Variants in OTUD1 observed in about 807,000 individuals in gnomAD.
The protein encoded by OTUD1 is OTU domain-containing protein 1.
OTUD1 carries 15 observed loss-of-function variants against 30.0 expected under a neutral mutation model. The observed-to-expected ratio is 0.50, with a 90% CI of 0.33 to 0.77. OTUD1 has a LOEUF of 0.77. OTUD1 is among the 30% of genes least tolerant of loss of function. The pLI, the probability that OTUD1 is intolerant of heterozygous loss-of-function variation, is 0.02. For missense variants in OTUD1, 796 were observed against 697.8 expected, an observed-to-expected ratio of 1.14 and a Z score of -1.59; for synonymous variants, 381 against 326.3, an observed-to-expected ratio of 1.17 and a Z score of -1.81.
In OTUD1 at chr10:23,440,336, C is replaced by G; in HGVS notation, c.879C>G (p.Tyr293Ter). 1 of 1,551,350 alleles carries G rather than the reference C, an allele frequency of 6.4e-7. No individual in the cohort carries two copies. The highest frequency in any genetic ancestry group is 8.7e-7 in the Non-Finnish European group (1 of 1,146,922). The change falls in exon 1 of 1, where the codon TAC (tyrosine) becomes TAG (stop). Residue 293 changes from tyrosine to a stop codon, truncating the protein, a stop_gained. Coordinates refer to ENST00000376495, the MANE Select transcript of OTUD1 (RefSeq NM_001145373.3). LOFTEE classifies it high-confidence loss of function. ...SDPRDEKLAL[Y>*]LAEVEKQDKY... ...CCAGAGACGAGAAGCTGGCCCTATACCTGGCCGAGGTGGAGAAGCAGGACA... is the reference window on the plus strand; with the variant it reads ...CCAGAGACGAGAAGCTGGCCCTATAGCTGGCCGAGGTGGAGAAGCAGGACA...
In OTUD1 at chr10:23,440,476, G is replaced by A; in HGVS notation, c.1019G>A (p.Arg340Lys). The A allele has an allele frequency of 6.4e-7, 1 of 1,551,726 alleles. No homozygotes were observed. Among genetic ancestry groups the A allele is most frequent in the Non-Finnish European group, 8.7e-7 (1 of 1,147,010 alleles). ...GACCAGAGCCTGCACCGGGAGTTGAGGGAGCAGACGGTGCACTACATCGCC... is the reference window on the plus strand; with the variant it reads ...GACCAGAGCCTGCACCGGGAGTTGAAGGAGCAGACGGTGCACTACATCGCC... ...YGDQSLHREL[R>K]EQTVHYIADH... Residue 340 changes from arginine (R) to lysine (K), a missense_variant, in exon 1 of 1, where the codon AGG becomes AAG. Physicochemically the swap from Arg to Lys is conservative, Grantham distance 26. Transcript: ENST00000376495.
Position 23,440,294 on chromosome 10 carries a change from C to T in OTUD1, c.837C>T (p.Ile279=). ...AAPSSAAEPV[I]VSRSDPRDEK... Reference sequence around the variant, plus strand: ...CGAGTAGTGCGGCGGAGCCGGTGATCGTCTCCAGGTCGGATCCCAGAGACG... The same window carrying T: ...CGAGTAGTGCGGCGGAGCCGGTGATTGTCTCCAGGTCGGATCCCAGAGACG... The change falls in exon 1 of 1, where the codon ATC becomes ATT. Residue 279 remains isoleucine, a synonymous_variant. Coordinates refer to ENST00000376495, the MANE Select transcript of OTUD1 (RefSeq NM_001145373.3). The T allele has an allele frequency of 6.4e-7, 1 of 1,550,422 alleles. No individual in the cohort carries two copies. The highest frequency in any genetic ancestry group is 1.2e-5 in the South Asian group (1 of 84,050).
chr10:23,439,954 G>A lies in OTUD1; in HGVS notation c.497G>A (p.Trp166Ter). 1 of 1,252,196 alleles carries A rather than the reference G, an allele frequency of 8.0e-7. No homozygotes were observed. Among genetic ancestry groups the A allele is most frequent in the Non-Finnish European group, 1.0e-6 (1 of 1,001,552 alleles). 77.6% of individuals were successfully genotyped at this position (1,252,196 alleles called of 1,614,324 possible). The part of the protein sequence containing the change: ...PVPPRRGSSA[W>*]LLEELLRPDC... ...CCGCCGCGGCGGGGCTCCTCGGCCT[G>A]GCTCCTGGAGGAGCTGCTGCGGCCC... Residue 166 changes from tryptophan to a stop codon, truncating the protein, a stop_gained, in exon 1 of 1, where the codon TGG becomes TAG. Transcript: ENST00000376495. LOFTEE classifies it high-confidence loss of function.
chr10:23,441,803 C>T lies in OTUD1; in HGVS notation c.*900C>T, dbSNP rs1003617692. 2.4e-5 allele frequency: 4 copies of T among 167,060 alleles called. No homozygotes were observed. The Admixed American group carries it at 2.6e-4, about 11-fold the overall frequency. The allele number at this position is 167,060 out of a possible 1,614,324, so 10.3% of individuals were successfully genotyped here. A position where few individuals can be genotyped will look rare whatever the true frequency, so the allele number is the denominator to read the frequency against. On this transcript the variant is annotated 3_prime_UTR_variant, in exon 1 of 1. Coordinates refer to ENST00000376495, the MANE Select transcript of OTUD1 (RefSeq NM_001145373.3). ...AAGATAAGCCTCCTGCTTTATATAA[C>T]TTCTTGAATCCAGCTAAGAGATTTA...
Position 23,440,696 on chromosome 10 carries a change from C to T in OTUD1, c.1239C>T (p.Gly413=). 1 of 1,551,858 alleles carries T rather than the reference C, an allele frequency of 6.4e-7. No individual in the cohort carries two copies. Among genetic ancestry groups the T allele is most frequent in the Non-Finnish European group, 8.7e-7 (1 of 1,147,032 alleles). The part of the protein sequence containing the change: ...PTVSTMIHYL[G]PEDSLRPSIW... ...TGTCTACCATGATTCATTATTTGGGCCCAGAGGATTCCCTGAGGCCTAGTA... is the reference window on the plus strand; with the variant it reads ...TGTCTACCATGATTCATTATTTGGGTCCAGAGGATTCCCTGAGGCCTAGTA... The change falls in exon 1 of 1, where the codon GGC becomes GGT. Residue 413 remains glycine (G), a synonymous_variant. Coordinates refer to ENST00000376495, the MANE Select transcript of OTUD1 (RefSeq NM_001145373.3).
At position 23,439,426 on chromosome 10, in the gene OTUD1, C is replaced by A; in HGVS notation, c.-32C>A. 3.2e-6 allele frequency: 4 copies of A among 1,254,056 alleles called. 1 individual carries two copies. In the South Asian group the frequency reaches 1.1e-4, roughly 34 times the overall value. The allele number at this position is 1,254,056 out of a possible 1,614,324, so 77.7% of individuals were successfully genotyped here. ...GTGTCCCCCGCTCCGGGGCTCGCCGCGCCTATAAGGGGCCGAGCGGCGGGC... is the reference window on the plus strand; with the variant it reads ...GTGTCCCCCGCTCCGGGGCTCGCCGAGCCTATAAGGGGCCGAGCGGCGGGC... On this transcript the variant is annotated 5_prime_UTR_variant, in exon 1 of 1. Coordinates refer to ENST00000376495, the MANE Select transcript of OTUD1 (RefSeq NM_001145373.3).
rs1044399686 is a variant in OTUD1 at position 23,440,022 on chromosome 10, C to T, written c.565C>T (p.Pro189Ser). 2 of 1,443,226 alleles carry T rather than the reference C, an allele frequency of 1.4e-6. No homozygotes were observed. Among genetic ancestry groups the T allele is most frequent in the South Asian group, 1.4e-5 (1 of 73,000 alleles). The allele number at this position is 1,443,226 out of a possible 1,614,324, so 89.4% of individuals were successfully genotyped here. A position where few individuals can be genotyped will look rare whatever the true frequency, so the allele number is the denominator to read the frequency against. Residue 189 changes from proline to serine, a missense_variant, in exon 1 of 1, where the codon CCC (proline) becomes TCC (serine). Physicochemically the swap from Pro to Ser is moderately conservative, Grantham distance 74 (BLOSUM62 -1). Transcript: ENST00000376495. The part of the protein sequence containing the change: ...PAGLDATREG[P>S]DRNFRLSEHR... ...GGGCTTGGACGCGACACGGGAGGGG[C>T]CCGATCGGAACTTCCGACTGAGCGA...
rs1264981151 is a variant in OTUD1 at position 23,439,714 on chromosome 10, C to T, written c.257C>T (p.Ala86Val). The change falls in exon 1 of 1, where the codon GCC becomes GTC. Residue 86 changes from alanine to valine, a missense_variant. Transcript: ENST00000376495. ...TGCTTCGAGGTGGTGTCCGGGGCCG[C>T]CGCGCCCGCCTCCGCCGCCGCCGGC... ...SSCFEVVSGAAAPASAAAGPP... is the reference protein window; with the variant it reads ...SSCFEVVSGAVAPASAAAGPP... The T allele has an allele frequency of 5.9e-6, 7 of 1,190,820 alleles. No individual in the cohort carries two copies. Among genetic ancestry groups the T allele is most frequent in the East Asian group, 4.4e-5 (1 of 22,894 alleles). 73.8% of individuals were successfully genotyped at this position (1,190,820 alleles called of 1,614,324 possible).
rs1168922145 is a variant in OTUD1 at position 23,439,229 on chromosome 10, G to A, written c.-229G>A. On this transcript the variant is annotated 5_prime_UTR_variant, in exon 1 of 1. Transcript: ENST00000376495. ...GGCCGAGCGCACCGGCAGGGGTCGAGCTCGCGTCCCGTCCCCGCCCCCCTG... is the reference window on the plus strand; with the variant it reads ...GGCCGAGCGCACCGGCAGGGGTCGAACTCGCGTCCCGTCCCCGCCCCCCTG... Among the ~76,000 whole-genome samples, 1 of 151,254 alleles carries A rather than the reference G, an allele frequency of 6.6e-6. No individual in the cohort carries two copies. Among genetic ancestry groups the A allele is most frequent in the Non-Finnish European group, 1.5e-5 (1 of 67,736 alleles).
In OTUD1 at chr10:23,440,771, C is replaced by G; in HGVS notation, c.1314C>G (p.His438Gln). Reference protein sequence around the residue: ...SNGHYDAVFDHSYPNPEYDNW... With the variant: ...SNGHYDAVFDQSYPNPEYDNW... ...GACACTATGATGCTGTATTTGATCACTCCTATCCTAACCCAGAGTACGACA... is the reference window on the plus strand; with the variant it reads ...GACACTATGATGCTGTATTTGATCAGTCCTATCCTAACCCAGAGTACGACA... The change falls in exon 1 of 1, where the codon CAC becomes CAG. Residue 438 changes from histidine to glutamine, a missense_variant. By Grantham distance (24) the His-to-Gln change is conservative. Coordinates refer to ENST00000376495, the MANE Select transcript of OTUD1 (RefSeq NM_001145373.3). The G allele has an allele frequency of 6.4e-7, 1 of 1,552,188 alleles. No individual in the cohort carries two copies. Among genetic ancestry groups the G allele is most frequent in the African/African-American group, 1.4e-5 (1 of 73,172 alleles).
chr10:23,439,877 T>A lies in OTUD1; in HGVS notation c.420T>A (p.Ala140=). Residue 140 remains alanine (A), a synonymous_variant, in exon 1 of 1, where the codon GCT becomes GCA. Coordinates refer to ENST00000376495, the MANE Select transcript of OTUD1 (RefSeq NM_001145373.3). ...TTCCCGGCGCCGCGGGCTCCGCCGC[T>A]GCCCCGCGCGGCCGCTGCCTCCTGC... is the stretch of plus-strand genomic sequence containing the variant. ...DPVPGAAGSA[A]APRGRCLLLA... The A allele has an allele frequency of 8.7e-7, 1 of 1,152,650 alleles. No homozygotes were observed. The highest frequency in any genetic ancestry group is 1.1e-6 in the Non-Finnish European group (1 of 940,564). 71.4% of individuals were successfully genotyped at this position (1,152,650 alleles called of 1,614,324 possible).
rs1488819227 is a variant in OTUD1 at position 23,441,106 on chromosome 10, G to A, written c.*203G>A. On this transcript the variant is annotated 3_prime_UTR_variant, in exon 1 of 1. Coordinates refer to ENST00000376495, the MANE Select transcript of OTUD1 (RefSeq NM_001145373.3). ...TAAATGATGTTTCATGATAGCTTTG[G>A]GTGATTTTACTGCTATTTATAATTT... The A allele has an allele frequency of 1.7e-6, 1 of 604,354 alleles. No homozygotes were observed. The highest frequency in any genetic ancestry group is 1.9e-5 in the African/African-American group (1 of 53,604). The allele number at this position is 604,354 out of a possible 1,614,324, so 37.4% of individuals were successfully genotyped here. A position where few individuals can be genotyped will look rare whatever the true frequency, so the allele number is the denominator to read the frequency against.
rs529636634 is a variant in OTUD1 at position 23,440,458 on chromosome 10, G to A, written c.1001G>A (p.Ser334Asn). The A allele has an allele frequency of 6.4e-7, 1 of 1,551,748 alleles. No individual in the cohort carries two copies. The highest frequency in any genetic ancestry group is 8.7e-7 in the Non-Finnish European group (1 of 1,147,008). Residue 334 changes from serine to asparagine, a missense_variant, in exon 1 of 1, where the codon AGC becomes AAC. Ser to Asn is a conservative substitution (Grantham distance 46). Transcript: ENST00000376495. ...AVSKTVYGDQ[S>N]LHRELREQTV... ...AGCAAGACGGTGTATGGGGACCAGAGCCTGCACCGGGAGTTGAGGGAGCAG... is the reference window on the plus strand; with the variant it reads ...AGCAAGACGGTGTATGGGGACCAGAACCTGCACCGGGAGTTGAGGGAGCAG...
Position 23,441,361 on chromosome 10 carries a change from GTTAT to G in OTUD1, c.*461_*464del, listed in dbSNP as rs1372028093. ...TTTGAACAGAGTTTGTGATTTGGTA[GTTAT>G]TTTATGTTGTTGAAATTTGAATTTC... On this transcript the variant is annotated 3_prime_UTR_variant, in exon 1 of 1. Coordinates refer to ENST00000376495, the MANE Select transcript of OTUD1 (RefSeq NM_001145373.3). 1.2e-5 allele frequency: 2 copies of G among 169,268 alleles called. No individual in the cohort carries two copies. The highest frequency in any genetic ancestry group is 6.4e-5 in the Admixed American group (1 of 15,504). The allele number at this position is 169,268 out of a possible 1,614,324, so 10.5% of individuals were successfully genotyped here. A position where few individuals can be genotyped will look rare whatever the true frequency, so the allele number is the denominator to read the frequency against.
In OTUD1 at chr10:23,442,074, ATT is replaced by A. The variant is rs1362484015; in HGVS notation, c.*1174_*1175del. On this transcript the variant is annotated 3_prime_UTR_variant, in exon 1 of 1. Transcript: ENST00000376495. ...AAGTAATGCAGTTTGTACTTTTTTT[ATT>A]TTGTAACATTTTGTGATTTTTTTGT... 3.0e-5 allele frequency: 5 copies of A among 166,902 alleles called. No individual in the cohort carries two copies. Among genetic ancestry groups the A allele is most frequent in the African/African-American group, 1.2e-4 (5 of 41,446 alleles). The allele number at this position is 166,902 out of a possible 1,614,324, so 10.3% of individuals were successfully genotyped here.
In OTUD1 at chr10:23,440,976, A is replaced by G; in HGVS notation, c.*73A>G. The G allele has an allele frequency of 1.4e-6, 2 of 1,437,290 alleles. No individual in the cohort carries two copies. Among genetic ancestry groups the G allele is most frequent in the Non-Finnish European group, 9.4e-7 (1 of 1,068,458 alleles). 89.0% of individuals were successfully genotyped at this position (1,437,290 alleles called of 1,614,324 possible). ...TGTTTGGAGAATCACATGAACTTTA[A>G]TCAGGGTAATAGCACTTTCAAACTT... On this transcript the variant is annotated 3_prime_UTR_variant, in exon 1 of 1. Transcript: ENST00000376495.
Position 23,441,186 on chromosome 10 carries a change from T to TC in OTUD1, c.*283_*284insC. ...CAAGCTGATTTCTCACAGTGTAAATTTGTTCATTCCTGGTAGTCTATTTTC... is the reference window on the plus strand; with the variant it reads ...CAAGCTGATTTCTCACAGTGTAAATTCTGTTCATTCCTGGTAGTCTATTTTC... On this transcript the variant is annotated 3_prime_UTR_variant, in exon 1 of 1. Coordinates refer to ENST00000376495, the MANE Select transcript of OTUD1 (RefSeq NM_001145373.3). 1 of 397,136 alleles carries TC rather than the reference T, an allele frequency of 2.5e-6. No individual in the cohort carries two copies. The highest frequency in any genetic ancestry group is 4.7e-6 in the Non-Finnish European group (1 of 212,410). The allele number at this position is 397,136 out of a possible 1,614,324, so 24.6% of individuals were successfully genotyped here.
Position 23,440,882 on chromosome 10 carries a change from T to G in OTUD1, c.1425T>G (p.Ile475Met). The part of the protein sequence containing the change: ...SMAISLSKMY[I>M]EQNACS ...CCATATCCTTGTCTAAAATGTATAT[T>G]GAACAAAATGCATGCTCTTGAAATG... The change falls in exon 1 of 1, where the codon ATT becomes ATG. Residue 475 changes from isoleucine (I) to methionine (M), a missense_variant. Transcript: ENST00000376495. The G allele has an allele frequency of 6.4e-7, 1 of 1,551,446 alleles. No homozygotes were observed. Among genetic ancestry groups the G allele is most frequent in the Non-Finnish European group, 8.7e-7 (1 of 1,146,806 alleles).
chr10:23,439,708 G>A lies in OTUD1; in HGVS notation c.251G>A (p.Gly84Glu). The A allele has an allele frequency of 8.3e-7, 1 of 1,197,706 alleles. No homozygotes were observed. Among genetic ancestry groups the A allele is most frequent in the South Asian group, 2.9e-5 (1 of 34,006 alleles). The allele number at this position is 1,197,706 out of a possible 1,614,324, so 74.2% of individuals were successfully genotyped here. ...TCCTCCTGCTTCGAGGTGGTGTCCG[G>A]GGCCGCCGCGCCCGCCTCCGCCGCC... ...AFSSCFEVVS[G>E]AAAPASAAAG... The change falls in exon 1 of 1, where the codon GGG (glycine) becomes GAG (glutamate). Residue 84 changes from glycine to glutamate, a missense_variant. By Grantham distance (98) the Gly-to-Glu change is moderately conservative. Transcript: ENST00000376495.
Sources: allele counts gnomAD v4.1 joint callset (sites outside exome capture counted in the v4.1 genomes callset), GRCh38; gene constraint gnomAD v4.1.1; transcripts MANE v1.5; gene names NCBI Gene and HGNC (gene_info 2026-07-23, HGNC 2026-07-21).